NTRK3: variants seen among roughly 807,000 people sequenced by gnomAD.
NTRK3 encodes the protein neurotrophic receptor tyrosine kinase 3.
A neutral mutation model predicts 91.7 loss-of-function variants in NTRK3; 24 were observed. The observed-to-expected ratio is 0.26, with a 90% CI of 0.19 to 0.37. NTRK3 has a LOEUF of 0.37. NTRK3 is among the 10% of genes least tolerant of loss of function. The pLI, the probability that NTRK3 is intolerant of heterozygous loss-of-function variation, is 1.00. For missense variants in NTRK3, 880 were observed against 1,068.9 expected (o/e 0.82, Z 2.46); for synonymous variants, 483 against 404.0 (o/e 1.20, Z -2.34).
At chr15:88,251,779 C>G (rs2053407279) in intron 3 of NTRK3, among the ~76,000 whole-genome samples, 1 of 152,230 alleles carries the variant, frequency 6.6e-6, no homozygotes, top group Non-Finnish European at 1.5e-5. Context: ...TTCAGCCAGG[C>G]AGGAGGGTAG....
In NTRK3 at chr15:88,184,075, G is replaced by A. The variant is rs185333638; in HGVS notation, c.323+150C>T. On this transcript the variant is annotated intron_variant, in intron 4 of 18. Coordinates refer to ENST00000394480, the Ensembl canonical transcript of NTRK3. Reference sequence around the variant, plus strand: ...CTTTGAAGCCTCTGGTGTCCCCTAAGTGCATATTGCCAACTCTACCAAAAG... The same window carrying A: ...CTTTGAAGCCTCTGGTGTCCCCTAAATGCATATTGCCAACTCTACCAAAAG... 1.4e-3 allele frequency: 1,049 copies of A among 752,490 alleles called. 1 individual carries two copies. Among genetic ancestry groups the A allele is most frequent in the Admixed American group, 3.7e-3 (182 of 49,230 alleles). 46.6% of individuals were successfully genotyped at this position (752,490 alleles called of 1,614,324 possible).
intron 3 of NTRK3, among the ~76,000 whole-genome samples, chr15:88,219,955 C>T (rs1169833465): frequency 2.0e-5 from 3 of 152,180 alleles, no homozygotes; most frequent in African/African-American, 4.8e-5. Flanking sequence ...AATGCCCGCA[C>T]CCCCTCCTCT....
At position 88,241,964 on chromosome 15, in the gene NTRK3, G is replaced by T. The variant is rs753881838; in HGVS notation, c.248+13942C>A. 1.2e-4 allele frequency among the ~76,000 whole-genome samples: 19 copies of T among 152,166 alleles called. No homozygotes were observed. Among genetic ancestry groups the T allele is most frequent in the Admixed American group, 6.5e-5 (1 of 15,280 alleles). ...GGACAATGGAGACCTCAGGGGTCCT[G>T]CTCTCCACGGCTTTCCCAGCTCTCC... is the stretch of plus-strand genomic sequence containing the variant. On this transcript the variant is annotated intron_variant, in intron 3 of 18. Coordinates refer to ENST00000394480, the Ensembl canonical transcript of NTRK3. This position sits in a 1 kb window ranked among gnomAD's most constrained non-coding sequence, Gnocchi z 4.3.
chr15:88,086,490 A>G lies in NTRK3; in HGVS notation c.1396+39781T>C, dbSNP rs201394781. Among the ~76,000 whole-genome samples the G allele has an allele frequency of 7.6e-5, 11 of 145,590 alleles. No homozygotes were observed. The East Asian group carries it at 1.2e-3, about 15-fold the overall frequency. On this transcript the variant is annotated intron_variant, in intron 13 of 18. Coordinates refer to ENST00000394480, the Ensembl canonical transcript of NTRK3. Reference sequence around the variant, plus strand: ...TATTGGGCTAAAATACATAATTAGAATTAATTTCACCTGTTTATTTTATTT... The same window carrying G: ...TATTGGGCTAAAATACATAATTAGAGTTAATTTCACCTGTTTATTTTATTT...
intron 3 of NTRK3, among the ~76,000 whole-genome samples, chr15:88,187,929 G>A (rs567586808): frequency 1.3e-5 from 2 of 149,418 alleles, no homozygotes; most frequent in South Asian, 4.2e-4. Context: ...ATGAGACACT[G>A]TCTCAAAAAA....
intron 13 of NTRK3, among the ~76,000 whole-genome samples, chr15:88,059,233 G>C (rs1366345200): frequency 2.0e-5 from 3 of 152,298 alleles, no homozygotes; most frequent in Admixed American, 2.0e-4. Flanking sequence ...TAATAAATTA[G>C]AGAGCTATCC....
At chr15:88,224,454 C>T (rs182410199) in intron 3 of NTRK3, among the ~76,000 whole-genome samples, 2 of 152,346 alleles carry the variant, frequency 1.3e-5, no homozygotes, top group East Asian at 3.9e-4. Flanking sequence ...CTCTCCTTCA[C>T]CTCCCAGCTG....
chr15:88,073,323 C>G (rs577417161), intron 13 of NTRK3, among the ~76,000 whole-genome samples: 2 of 152,298 alleles, frequency 1.3e-5, no homozygotes, highest in South Asian at 4.1e-4. Flanking sequence ...GAAGCATGGC[C>G]TAAAACAGTG....
At chr15:87,983,750 G>C (rs1375439732) in intron 14 of NTRK3, among the ~76,000 whole-genome samples, 1 of 152,154 alleles carries the variant, frequency 6.6e-6, no homozygotes, top group Non-Finnish European at 1.5e-5. Flanking sequence ...ATCCAGGAAG[G>C]GGGTGAAATG....
intron 17 of NTRK3, among the ~76,000 whole-genome samples, chr15:87,922,513 T>C (rs2067959005): frequency 6.6e-6 from 1 of 152,162 alleles, no homozygotes. Flanking sequence ...GTAAAGTCAA[T>C]GGGCCATAAA....
At chr15:87,947,330 C>A (rs1343867568) in intron 14 of NTRK3, among the ~76,000 whole-genome samples, 3 of 147,878 alleles carry the variant, frequency 2.0e-5, no homozygotes, top group Non-Finnish European at 4.4e-5. Flanking sequence ...ACTGTGCCAC[C>A]TTGACATCCT....
intron 13 of NTRK3, among the ~76,000 whole-genome samples, chr15:88,110,712 C>A (rs886552963): frequency 2.6e-5 from 4 of 152,168 alleles, no homozygotes; most frequent in Non-Finnish European, 4.4e-5. Context: ...TCTTAGGGAG[C>A]ATGGAACAAG....
At chr15:88,207,276 T>G (rs776835517) in intron 3 of NTRK3, among the ~76,000 whole-genome samples, 1 of 152,162 alleles carries the variant, frequency 6.6e-6, no homozygotes, top group East Asian at 1.9e-4. Flanking sequence ...CGGGGATAGT[T>G]GTCCCATGAG....
intron 3 of NTRK3, among the ~76,000 whole-genome samples, chr15:88,189,133 G>C (rs375522924): frequency 6.6e-6 from 1 of 152,312 alleles, no homozygotes; most frequent in South Asian, 2.1e-4. Context: ...TGTCAAGGTA[G>C]ACCCCTGGGA....
intron 3 of NTRK3, among the ~76,000 whole-genome samples, chr15:88,213,909 G>A (rs748911741): frequency 4.2e-4 from 64 of 151,962 alleles, no homozygotes; most frequent in Non-Finnish European, 3.8e-4. Context: ...GTGAAACCCC[G>A]TCTCTACTAA....
At chr15:87,942,846 G>A (rs923796856) in intron 14 of NTRK3, among the ~76,000 whole-genome samples, 1 of 152,112 alleles carries the variant, frequency 6.6e-6, no homozygotes, top group African/African-American at 2.4e-5. Context: ...CTGTGTTTTG[G>A]CATTTTCATT....
intron 17 of NTRK3, among the ~76,000 whole-genome samples, chr15:87,893,612 T>C (rs2065956187): frequency 6.6e-6 from 1 of 152,224 alleles, no homozygotes; most frequent in Non-Finnish European, 1.5e-5. Flanking sequence ...TTGGGTTAAA[T>C]AGAAACTCAG....
chr15:88,155,846 A>ATC (rs1470105682), intron 5 of NTRK3, among the ~76,000 whole-genome samples: 13 of 151,662 alleles, frequency 8.6e-5, no homozygotes, highest in Non-Finnish European at 1.8e-4. Flanking sequence ...CTATCTATCT[A>ATC]TATAAATGAG....
intron 5 of NTRK3, among the ~76,000 whole-genome samples, chr15:88,160,015 G>C (rs1290430649): frequency 6.8e-6 from 1 of 147,836 alleles, no homozygotes; most frequent in African/African-American, 2.5e-5. Context: ...TTCATGCCTG[G>C]TGAGCCTAGA....
Sources: allele counts gnomAD v4.1 joint callset (sites outside exome capture counted in the v4.1 genomes callset), GRCh38; gene constraint gnomAD v4.1.1; non-coding constraint Gnocchi (gnomAD v3.1); transcripts MANE v1.5; gene names NCBI Gene and HGNC (gene_info 2026-07-23, HGNC 2026-07-21).